GCNT1: variants seen among roughly 807,000 people sequenced by gnomAD.
GCNT1 encodes the protein glucosaminyl (N-acetyl) transferase 1, also known as beta-1,3-galactosyl-O-glycosyl-glycoprotein beta-1,6-N-acetylglucosaminyltransferase.
Under a neutral mutation model 26.2 loss-of-function variants are expected in GCNT1, and 16 were observed. The observed-to-expected ratio is 0.61, with a 90% confidence interval of 0.41 to 0.93. The LOEUF (loss-of-function observed/expected upper bound fraction) is 0.93, where lower values mean the gene tolerates loss of function less well. Ranked by LOEUF, GCNT1 falls within the 40% of genes least tolerant of loss-of-function variation. The pLI is 0.00. For synonymous variants in GCNT1, 183 were observed against 190.8 expected, an observed-to-expected ratio of 0.96 and a Z score of 0.34; for missense variants, 477 against 526.7, an observed-to-expected ratio of 0.91 and a Z score of 0.92.
At chr9:76,437,239 G>T (rs1823421894), upstream of GCNT1, among the ~76,000 whole-genome samples, 1 of 152,108 alleles carries the variant, frequency 6.6e-6, no homozygotes, top group Non-Finnish European at 1.5e-5. Flanking sequence ...AACTTACTGG[G>T]CTGCATTCCC....
chr9:76,449,812 C>T (rs1390648715), intron 1 of GCNT1, among the ~76,000 whole-genome samples: 2 of 152,192 alleles, frequency 1.3e-5, no homozygotes, highest in African/African-American at 4.8e-5. Context: ...GAGACAGAGT[C>T]TCACCCTGTC....
At chr9:76,484,474 C>T (rs1384613292) in intron 2 of GCNT1, among the ~76,000 whole-genome samples, 1 of 151,578 alleles carries the variant, frequency 6.6e-6, no homozygotes, top group African/African-American at 2.4e-5. Flanking sequence ...TTGTGAAAAT[C>T]TTTTCAGAAA....
At chr9:76,488,955 T>G (rs1195921690) in intron 2 of GCNT1, among the ~76,000 whole-genome samples, 1 of 152,174 alleles carries the variant, frequency 6.6e-6, no homozygotes, top group Non-Finnish European at 1.5e-5. Context: ...CATTTTATTT[T>G]TTTGCTCACA....
At chr9:76,431,305 T>C (rs897357756) in intron 1 of GCNT1, among the ~76,000 whole-genome samples, 6 of 152,108 alleles carry the variant, frequency 3.9e-5, no homozygotes, top group Non-Finnish European at 8.8e-5. Flanking sequence ...TGCCAGCCCT[T>C]AGCAGGGACC....
chr9:76,438,542 T>A (rs1186184493), upstream of GCNT1, among the ~76,000 whole-genome samples: 1 of 152,224 alleles, frequency 6.6e-6, no homozygotes, highest in East Asian at 1.9e-4. Flanking sequence ...TCTTCCATCA[T>A]GACTTGAATT....
chr9:76,457,175 C>A (rs1823770093), upstream of GCNT1, among the ~76,000 whole-genome samples: 1 of 152,196 alleles, frequency 6.6e-6, no homozygotes, highest in Non-Finnish European at 1.5e-5. Flanking sequence ...GATACTTGTA[C>A]CTCGGCTTCC....
At chr9:76,470,746 A>G (rs1824113762) in intron 2 of GCNT1, among the ~76,000 whole-genome samples, 1 of 152,164 alleles carries the variant, frequency 6.6e-6, no homozygotes, top group Non-Finnish European at 1.5e-5. Flanking sequence ...CCATAAATAT[A>G]TACAATTATT....
chr9:76,454,386 GAAAAAAAAAAAAA>G (rs71372084), upstream of GCNT1, among the ~76,000 whole-genome samples: 41 of 39,620 alleles, frequency 1.0e-3, no homozygotes, highest in African/African-American at 2.9e-3. Context: ...TCTCAGAAAA[GAAAAAAAAAAAAA>G]AAAAAAAAAA....
chr9:76,411,391 T>C, the GCNT1 span, among the ~76,000 whole-genome samples: 11 of 151,940 alleles, frequency 7.2e-5, no homozygotes, highest in African/African-American at 2.7e-4. Flanking sequence ...TGCAGTGGCA[T>C]GATCATGGCT....
At chr9:76,433,082 T>C (rs2131577675) in intron 1 of GCNT1, among the ~76,000 whole-genome samples, 1 of 152,234 alleles carries the variant, frequency 6.6e-6, no homozygotes, top group East Asian at 1.9e-4. Context: ...TCATTAGCTG[T>C]TTCATCACTC....
At chr9:76,448,163 T>TAC (rs1288397973) in intron 1 of GCNT1, among the ~76,000 whole-genome samples, 5 of 152,138 alleles carry the variant, frequency 3.3e-5, no homozygotes, top group East Asian at 1.9e-4. Context: ...TATATATATA[T>TAC]ACACACAGCC....
the GCNT1 span, among the ~76,000 whole-genome samples, chr9:76,395,279 TA>T: frequency 2.0e-5 from 3 of 152,330 alleles, no homozygotes; most frequent in East Asian, 1.9e-4. Flanking sequence ...GTTTTTTATT[TA>T]TTTTTTTAAA....
chr9:76,425,660 A>G (rs1043014815), intron 1 of GCNT1, among the ~76,000 whole-genome samples: 2 of 152,214 alleles, frequency 1.3e-5, no homozygotes, highest in African/African-American at 4.8e-5. Context: ...ACACAGAAAG[A>G]GTTTAATTCA....
intron 1 of GCNT1, among the ~76,000 whole-genome samples, chr9:76,452,632 T>G (rs1252168555): frequency 1.3e-5 from 2 of 151,854 alleles, no homozygotes; most frequent in Non-Finnish European, 2.9e-5. Flanking sequence ...CCACATACTT[T>G]TAAACAACCA....
At position 76,502,955 on chromosome 9, in the gene GCNT1, C is replaced by A; in HGVS notation, c.574C>A (p.Arg192=). The A allele has an allele frequency of 6.2e-7, 1 of 1,612,936 alleles. No individual in the cohort carries two copies. Among genetic ancestry groups the A allele is most frequent in the South Asian group, 1.1e-5 (1 of 91,082 alleles). ...LESVVYASWS[R]VQADLNCMKD... Reference sequence around the variant, plus strand: ...GAGTGTGGTTTATGCATCGTGGAGCCGGGTTCAGGCTGACCTCAACTGCAT... The same window carrying A: ...GAGTGTGGTTTATGCATCGTGGAGCAGGGTTCAGGCTGACCTCAACTGCAT... Residue 192 remains arginine, a synonymous_variant, in exon 4 of 4, where the codon CGG becomes AGG. Transcript: ENST00000376730.
upstream of GCNT1, among the ~76,000 whole-genome samples, chr9:76,415,619 T>C (rs1823125853): frequency 6.6e-6 from 1 of 152,242 alleles, no homozygotes; most frequent in Non-Finnish European, 1.5e-5. Context: ...TGTACAGTTT[T>C]CTATTTACAT....
the GCNT1 span, among the ~76,000 whole-genome samples, chr9:76,407,042 AAAAAT>A: frequency 3.2e-4 from 49 of 152,230 alleles, no homozygotes; most frequent in Non-Finnish European, 5.4e-4. Context: ...CACCATCTCA[AAAAAT>A]AAAATAAAAA....
rs559697401 is a variant in GCNT1, at chr9:76,504,845, A to G, written c.*1177A>G. 51 of 413,442 alleles carry G rather than the reference A, an allele frequency of 1.2e-4. No homozygotes were observed. In the East Asian group the frequency reaches 1.7e-3, roughly 14 times the overall value. 25.6% of individuals were successfully genotyped at this position (413,442 alleles called of 1,614,324 possible). A position where few individuals can be genotyped will look rare whatever the true frequency, so the allele number is the denominator to read the frequency against. ...CTTTCTCAACCTTCCACGAGGAGGA[A>G]AGAAGTGTGCAGTCATTCCACATGG... On this transcript the variant is annotated 3_prime_UTR_variant, in exon 4 of 4. Transcript: ENST00000376730.
At chr9:76,410,237 GC>G in the GCNT1 span, among the ~76,000 whole-genome samples, 18 of 152,092 alleles carry the variant, frequency 1.2e-4, no homozygotes, top group Non-Finnish European at 2.4e-4. Context: ...TTGGAGACCA[GC>G]CTGACCGACA....
Sources: allele counts gnomAD v4.1 joint callset (sites outside exome capture counted in the v4.1 genomes callset), GRCh38; gene constraint gnomAD v4.1.1; transcripts MANE v1.5; gene names NCBI Gene and HGNC (gene_info 2026-07-23, HGNC 2026-07-21).